CLEC4D: variants seen among roughly 807,000 people sequenced by gnomAD.
The protein encoded by CLEC4D is C-type lectin domain family 4 member D.
Under a neutral mutation model 21.1 loss-of-function variants are expected in CLEC4D, and 21 were observed. The observed-to-expected ratio is 1.00, with a 90% CI of 0.71 to 1.43. The LOEUF (loss-of-function observed/expected upper bound fraction) is 1.43, where lower values mean the gene tolerates loss of function less well. Among genes scored for constraint, CLEC4D ranks in the 40% most tolerant of loss-of-function variants. CLEC4D has a pLI of 0.00. For missense variants in CLEC4D, 289 were observed against 260.7 expected (o/e 1.11, Z -0.75); for synonymous variants, 85 against 83.1 (o/e 1.02, Z -0.12).
At position 8,521,300 on chromosome 12, in the gene CLEC4D, A is replaced by AAG. The variant is rs1177005748; in HGVS notation, c.*33_*34dup. The AAG allele has an allele frequency of 6.3e-7, 1 of 1,588,044 alleles. No homozygotes were observed. Among genetic ancestry groups the AAG allele is most frequent in the East Asian group, 2.2e-5 (1 of 44,662 alleles). On this transcript the variant is annotated 3_prime_UTR_variant, in exon 6 of 6. Transcript: ENST00000299665. ...CTCAGAAAGTGGTCCTTGTGATGGAAAGAGAAAAGAAAAACCAATTAGAAT... is the reference window on the plus strand; with the variant it reads ...CTCAGAAAGTGGTCCTTGTGATGGAAAGAGAGAAAAGAAAAACCAATTAGAAT...
chr12:8,526,236 T>G (rs993729028), downstream of CLEC4D, among the ~76,000 whole-genome samples: 1 of 152,222 alleles, frequency 6.6e-6, no homozygotes, highest in African/African-American at 2.4e-5. Context: ...TTGGCCTGTG[T>G]TGCTAGGTTG....
chr12:8,513,782 C>A (rs11045985), intron 1 of CLEC4D, 22 bp downstream of exon 1: 222,914 of 980,628 alleles, frequency 0.23, 29,590 homozygotes, highest in African/African-American at 0.52. Context: ...CTCTCCTTTC[C>A]ATTTCAAAGA....
intron 4 of CLEC4D, 99 bp downstream of exon 4, chr12:8,519,259 C>A: frequency 7.0e-7 from 1 of 1,420,420 alleles, no homozygotes; most frequent in South Asian, 1.6e-5. Flanking sequence ...CTGTTTTCAT[C>A]TGCTCCATCT....
chr12:8,519,373 T>A (rs1940428128), intron 4 of CLEC4D, among the ~76,000 whole-genome samples: 1 of 152,176 alleles, frequency 6.6e-6, no homozygotes, highest in African/African-American at 2.4e-5. Flanking sequence ...AAAGCTACCC[T>A]AACTACCTTC....
chr12:8,527,836 T>A, the CLEC4D span, among the ~76,000 whole-genome samples: 1 of 152,168 alleles, frequency 6.6e-6, no homozygotes, highest in Non-Finnish European at 1.5e-5. Flanking sequence ...CGTTTGTGAG[T>A]GGGATCTTCC....
intron 4 of CLEC4D, among the ~76,000 whole-genome samples, chr12:8,520,025 C>T (rs1940437806): frequency 1.3e-5 from 2 of 152,154 alleles, no homozygotes; most frequent in Admixed American, 6.6e-5. Context: ...GTGGAGTTGT[C>T]CCTTTTGAAG....
In CLEC4D at chr12:8,520,310, G is replaced by A. The variant is rs192142720; in HGVS notation, c.469G>A (p.Val157Met). 9.3e-6 allele frequency: 15 copies of A among 1,613,992 alleles called. No homozygotes were observed. Among genetic ancestry groups the A allele is most frequent in the South Asian group, 3.3e-5 (3 of 91,082 alleles). The change falls in exon 5 of 6, where the codon GTG (valine) becomes ATG (methionine). Residue 157 changes from valine to methionine, a missense_variant. Physicochemically the swap from Val to Met is conservative, Grantham distance 21. Transcript: ENST00000299665. ...DENAKGQWRW[V>M]DQTPFNPRRV... ...GAATGCCAAAGGTCAGTGGCGTTGG[G>A]TGGACCAGACGCCATTTAACCCACG... is the stretch of plus-strand genomic sequence containing the variant.
At chr12:8,519,275 G>C (rs1940426885) in intron 4 of CLEC4D, 115 bp downstream of exon 4, 1 of 1,381,534 alleles carries the variant, frequency 7.2e-7, no homozygotes, top group African/African-American at 1.5e-5. Context: ...CATCTGCCTG[G>C]AAAGCCCTTT....
intron 2 of CLEC4D, among the ~76,000 whole-genome samples, chr12:8,517,384 G>T (rs943248408): frequency 6.6e-6 from 1 of 151,634 alleles, no homozygotes; most frequent in Non-Finnish European, 1.5e-5. Flanking sequence ...GTGCCATGTT[G>T]GTGTGCTGCA....
chr12:8,519,705 G>A (rs1454356487), intron 4 of CLEC4D, among the ~76,000 whole-genome samples: 1 of 152,192 alleles, frequency 6.6e-6, no homozygotes, highest in African/African-American at 2.4e-5. Flanking sequence ...CTAATGATAA[G>A]TAAAGAAATC....
chr12:8,528,517 G>A, the CLEC4D span, among the ~76,000 whole-genome samples: 2 of 152,134 alleles, frequency 1.3e-5, no homozygotes, highest in Non-Finnish European at 2.9e-5. Context: ...GTCTCTTTTA[G>A]TCTATTCTGA....
At position 8,521,183 on chromosome 12, in the gene CLEC4D, A is replaced by G. The variant is rs762841309; in HGVS notation, c.560A>G (p.Tyr187Cys). ...GGAGAAAACTGTGTTGTTCTTGTTT[A>G]TAACCAAGATAAATGGGCCTGGAAT... ...SQGENCVVLV[Y>C]NQDKWAWNDV... Residue 187 changes from tyrosine to cysteine, a missense_variant, in exon 6 of 6, where the codon TAT (tyrosine) becomes TGT (cysteine). Transcript: ENST00000299665. 4 of 1,613,712 alleles carry G rather than the reference A, an allele frequency of 2.5e-6. No homozygotes were observed. The Admixed American group carries it at 6.7e-5, about 27-fold the overall frequency.
downstream of CLEC4D, among the ~76,000 whole-genome samples, chr12:8,525,770 T>C (rs933035637): frequency 6.6e-6 from 1 of 152,200 alleles, no homozygotes; most frequent in Admixed American, 6.5e-5. Context: ...TGATGCAGTT[T>C]CTTCATAGTG....
the CLEC4D span, among the ~76,000 whole-genome samples, chr12:8,528,984 A>G: frequency 6.6e-6 from 1 of 152,074 alleles, no homozygotes; most frequent in Non-Finnish European, 1.5e-5. Context: ...CATATTCTTA[A>G]ACATTTGCAT....
intron 5 of CLEC4D, 21 bp from the exon 6 acceptor site, chr12:8,521,103 T>C (rs12321431): frequency 0.034 from 54,737 of 1,609,378 alleles, 1,508 homozygotes; most frequent in African/African-American, 0.14. Flanking sequence ...TAAATCTCTA[T>C]CTATGTTGTT....
chr12:8,525,883 C>A (rs769883943), downstream of CLEC4D, among the ~76,000 whole-genome samples: 22 of 152,184 alleles, frequency 1.4e-4, no homozygotes, highest in Admixed American at 8.5e-4. Flanking sequence ...GCAGGCCTGG[C>A]GGTAACGAAA....
chr12:8,524,589 CTCT>C (rs1268401740), downstream of CLEC4D, among the ~76,000 whole-genome samples: 2 of 151,802 alleles, frequency 1.3e-5, no homozygotes. Context: ...ATTCTTCTCT[CTCT>C]TCTTTATTAG....
chr12:8,517,737 G>A (rs1471588947), intron 2 of CLEC4D, among the ~76,000 whole-genome samples: 1 of 152,108 alleles, frequency 6.6e-6, no homozygotes, highest in Non-Finnish European at 1.5e-5. Context: ...TCGAGGTCAG[G>A]AGATCAAGAC....
intron 1 of CLEC4D, among the ~76,000 whole-genome samples, chr12:8,514,805 T>C (rs1168503608): frequency 6.6e-6 from 1 of 152,174 alleles, no homozygotes; most frequent in Non-Finnish European, 1.5e-5. Flanking sequence ...CAAATTAAAA[T>C]TTCAGCAAAT....
Sources: allele counts gnomAD v4.1 joint callset (sites outside exome capture counted in the v4.1 genomes callset), GRCh38; gene constraint gnomAD v4.1.1; transcripts MANE v1.5; gene names NCBI Gene and HGNC (gene_info 2026-07-23, HGNC 2026-07-21).